The following FRS2 variants were observed in gnomAD, a reference collection of about 807,000 sequenced individuals.
The protein encoded by FRS2 is FGFR signalling adaptor.
In FRS2, 8 loss-of-function variants were observed where a neutral mutation model predicts 43.9. The observed-to-expected ratio is 0.18, with a 90% CI of 0.11 to 0.33. The LOEUF (loss-of-function observed/expected upper bound fraction) is 0.33, where lower values mean the gene tolerates loss of function less well. Among genes scored for constraint, FRS2 ranks in the 10% least tolerant of loss-of-function variants. FRS2 has a pLI of 1.00. For missense variants in FRS2, 534 were observed against 627.6 expected, an observed-to-expected ratio of 0.85 and a Z score of 1.59; for synonymous variants, 219 against 220.3, an observed-to-expected ratio of 0.99 and a Z score of 0.05.
rs562979324 is a variant in FRS2, at chr12:69,488,992, T to C, written c.-261+18462T>C. Among the ~76,000 whole-genome samples the C allele has an allele frequency of 7.9e-5, 12 of 152,340 alleles. No individual in the cohort carries two copies. The South Asian group carries it at 2.5e-3, about 32-fold the overall frequency. On this transcript the variant is annotated intron_variant, in intron 1 of 8. Coordinates refer to ENST00000549921, the MANE Select transcript of FRS2 (RefSeq NM_001278356.2). Reference sequence around the variant, plus strand: ...TTGGAGAGCTTTACTTTTGTAAGTTTGATACAGTAGAAGTCTGTTAAAAGA... The same window carrying C: ...TTGGAGAGCTTTACTTTTGTAAGTTCGATACAGTAGAAGTCTGTTAAAAGA...
chr12:69,507,064 C>T (rs1171884491), intron 1 of FRS2, among the ~76,000 whole-genome samples: 1 of 152,170 alleles, frequency 6.6e-6, no homozygotes, highest in Admixed American at 6.5e-5. Context: ...CAAATGCGGT[C>T]CCTCGACCTT....
At chr12:69,524,276 G>T (rs566362141) in intron 1 of FRS2, among the ~76,000 whole-genome samples, 1 of 152,226 alleles carries the variant, frequency 6.6e-6, no homozygotes, top group South Asian at 2.1e-4. Flanking sequence ...GCATGGCAGG[G>T]TGCAGACACC....
chr12:69,524,610 T>G lies in FRS2; in HGVS notation c.-260-6255T>G, dbSNP rs546597563. On this transcript the variant is annotated intron_variant, in intron 1 of 8. Coordinates refer to ENST00000549921, the MANE Select transcript of FRS2 (RefSeq NM_001278356.2). ...TTCACGTCAAACTGGCCCTGTTTCA[T>G]GGACAAGACTGGCTCTGCAGAGTTC... Among the ~76,000 whole-genome samples, 11 of 152,086 alleles carry G rather than the reference T, an allele frequency of 7.2e-5. No individual in the cohort carries two copies. The South Asian group carries it at 1.2e-3, about 17-fold the overall frequency.
intron 1 of FRS2, among the ~76,000 whole-genome samples, chr12:69,491,293 G>A (rs1273346022): frequency 2.0e-5 from 3 of 151,894 alleles, no homozygotes; most frequent in Admixed American, 2.0e-4. Flanking sequence ...ACGAGGTTTT[G>A]CCATGTTGTC....
chr12:69,529,638 TAA>T (rs1876596163), intron 1 of FRS2, among the ~76,000 whole-genome samples: 1 of 151,130 alleles, frequency 6.6e-6, no homozygotes, highest in Non-Finnish European at 1.5e-5. Context: ...AATAAATAAA[TAA>T]ATAAATAAAT....
rs1259368080 is a variant in FRS2 at position 69,557,622 on chromosome 12, GCGCGCGCGCGCGCGCA to G, written c.-121-4557_-121-4542del. On this transcript the variant is annotated intron_variant, in intron 3 of 8. Coordinates refer to ENST00000549921, the MANE Select transcript of FRS2 (RefSeq NM_001278356.2). ...TGTGTGTGTGTGTGTGTGTGTGTGC[GCGCGCGCGCGCGCGCA>G]GGTGCATGCACGCTAGGATTGTTGC... 9.8e-3 allele frequency among the ~76,000 whole-genome samples: 1,379 copies of G among 140,662 alleles called. 23 individuals are homozygous for G. The highest frequency in any genetic ancestry group is 0.034 in the African/African-American group (1,283 of 37,622). 92.3% of individuals were successfully genotyped at this position (140,662 alleles called of 152,430 possible). A position where few individuals can be genotyped will look rare whatever the true frequency, so the allele number is the denominator to read the frequency against.
At chr12:69,478,724 ATGTGTGTGTGTG>A (rs59945124) in intron 1 of FRS2, among the ~76,000 whole-genome samples, 253 of 146,308 alleles carry the variant, frequency 1.7e-3, no homozygotes, top group Admixed American at 3.5e-3. Context: ...ATACATCATT[ATGTGTGTGTGTG>A]TGTGTGTGTG....
chr12:69,515,650 A>G (rs1052384397), intron 1 of FRS2, among the ~76,000 whole-genome samples: 1 of 152,180 alleles, frequency 6.6e-6, no homozygotes, highest in African/African-American at 2.4e-5. Flanking sequence ...TACATGTGGA[A>G]GAGAGGGTAT....
chr12:69,552,326 A>AAAAAC (rs1763193406), intron 3 of FRS2, among the ~76,000 whole-genome samples: 1 of 151,334 alleles, frequency 6.6e-6, no homozygotes, highest in Non-Finnish European at 1.5e-5. Flanking sequence ...AAAAAAAAAA[A>AAAAAC]ATCATGTCTC....
At chr12:69,498,429 G>C (rs1416095302) in intron 1 of FRS2, among the ~76,000 whole-genome samples, 1 of 152,074 alleles carries the variant, frequency 6.6e-6, no homozygotes. Flanking sequence ...TGTAGAGCAA[G>C]CTTGTCCAAC....
At chr12:69,518,402 A>AT (rs34206585) in intron 1 of FRS2, among the ~76,000 whole-genome samples, 35 of 150,568 alleles carry the variant, frequency 2.3e-4, no homozygotes, top group East Asian at 1.7e-3. Context: ...ATAAAGGCAG[A>AT]TTTTTTTTTT....
chr12:69,536,769 A>G (rs538656047), intron 3 of FRS2, among the ~76,000 whole-genome samples: 4 of 151,418 alleles, frequency 2.6e-5, no homozygotes, highest in African/African-American at 9.7e-5. Flanking sequence ...TTATCCCACT[A>G]TGTTGCTTAA....
intron 6 of FRS2, 95 bp downstream of exon 6, chr12:69,570,612 A>G: frequency 1.4e-6 from 1 of 720,712 alleles, no homozygotes; most frequent in Non-Finnish European, 2.3e-6. Flanking sequence ...TTCTTCTGAA[A>G]AAAATCCCAA....
intron 3 of FRS2, among the ~76,000 whole-genome samples, chr12:69,536,566 T>G (rs1227009907): frequency 1.6e-5 from 2 of 122,624 alleles, no homozygotes; most frequent in African/African-American, 7.6e-5. Context: ...TAGATTTAGT[T>G]TTTTTTTTTT....
At chr12:69,562,456 C>T (rs1326517455) in intron 4 of FRS2, among the ~76,000 whole-genome samples, 182 bp downstream of exon 4, 2 of 152,224 alleles carry the variant, frequency 1.3e-5, no homozygotes, top group Non-Finnish European at 1.5e-5. Context: ...AGCCACCACT[C>T]CTGGCCTATA....
intron 1 of FRS2, among the ~76,000 whole-genome samples, chr12:69,502,521 A>G (rs770594085): frequency 6.6e-6 from 1 of 152,096 alleles, no homozygotes; most frequent in Non-Finnish European, 1.5e-5. Flanking sequence ...GGTGTGAGTC[A>G]CCATGCCCGG....
rs1419401241 is a variant in FRS2 at position 69,574,909 on chromosome 12, G to T, written c.1481G>T (p.Gly494Val). The change falls in exon 9 of 9, where the codon GGT becomes GTT. Residue 494 changes from glycine to valine, a missense_variant. By Grantham distance (109) the Gly-to-Val change is moderately radical. Transcript: ENST00000549921. Reference sequence around the variant, plus strand: ...CAGAAAGCACTGCCACGAGATGATGGTACATCTAGGAAAACTAGACACAAT... The same window carrying T: ...CAGAAAGCACTGCCACGAGATGATGTTACATCTAGGAAAACTAGACACAAT... Reference protein sequence around the residue: ...NLQKALPRDDGTSRKTRHNST... With the variant: ...NLQKALPRDDVTSRKTRHNST... The T allele has an allele frequency of 6.2e-7, 1 of 1,613,252 alleles. No homozygotes were observed.
At chr12:69,482,657 A>G (rs769201049) in intron 1 of FRS2, among the ~76,000 whole-genome samples, 2 of 152,216 alleles carry the variant, frequency 1.3e-5, no homozygotes, top group Admixed American at 6.5e-5. Flanking sequence ...AGTCATTTAT[A>G]TATTTAAAAT....
chr12:69,475,670 C>T (rs1240770214), intron 1 of FRS2, among the ~76,000 whole-genome samples: 2 of 152,074 alleles, frequency 1.3e-5, no homozygotes, highest in Admixed American at 1.3e-4. Context: ...GGGAGAGTCC[C>T]TAAACTTCTC....
Sources: gnomAD v4.1 joint callset for allele counts (sites outside exome capture counted in the v4.1 genomes callset) on GRCh38, gnomAD v4.1.1 for gene constraint, MANE v1.5 for transcripts, NCBI Gene and HGNC (gene_info 2026-07-23, HGNC 2026-07-21) for gene names.